Variants in OSBP observed in about 807,000 individuals in gnomAD.
The protein encoded by OSBP is oxysterol binding protein.
A neutral mutation model predicts 96.6 loss-of-function variants in OSBP; 32 were observed. The observed-to-expected ratio is 0.33, with a 90% CI of 0.25 to 0.45. The LOEUF is 0.45. OSBP is among the 20% of genes least tolerant of loss of function. OSBP has a pLI of 1.00. For synonymous variants in OSBP, 369 were observed against 389.6 expected, an observed-to-expected ratio of 0.95 and a Z score of 0.62; for missense variants, 653 against 1,029.7, an observed-to-expected ratio of 0.63 and a Z score of 5.01.
At chr11:59,587,586 T>G (rs1860516374) in intron 9 of OSBP, among the ~76,000 whole-genome samples, 1 of 151,804 alleles carries the variant, frequency 6.6e-6, no homozygotes, top group African/African-American at 2.4e-5. Context: ...CATAAAAAAG[T>G]GCTCAACAAC....
Position 59,581,431 on chromosome 11 carries a change from C to T in OSBP, c.1782+20G>A. On this transcript the variant is annotated intron_variant, in intron 10 of 13. Transcript: ENST00000263847. ...AGTATTCTTTTAAACTTCACACACACTTTGGGTACCTTTCCTCACCTGATC... is the reference window on the plus strand; with the variant it reads ...AGTATTCTTTTAAACTTCACACACATTTTGGGTACCTTTCCTCACCTGATC... 7.1e-7 allele frequency: 1 copy of T among 1,411,112 alleles called. No individual in the cohort carries two copies. Among genetic ancestry groups the T allele is most frequent in the Non-Finnish European group, 1.0e-6 (1 of 999,168 alleles). The allele number at this position is 1,411,112 out of a possible 1,614,324, so 87.4% of individuals were successfully genotyped here. A position where few individuals can be genotyped will look rare whatever the true frequency, so the allele number is the denominator to read the frequency against.
intron 7 of OSBP, among the ~76,000 whole-genome samples, chr11:59,596,233 T>C (rs752865716): frequency 7.2e-5 from 11 of 152,100 alleles, no homozygotes; most frequent in Non-Finnish European, 1.5e-4. Flanking sequence ...TAATCCTCGA[T>C]TCTTTTTAAA....
intron 1 of OSBP, among the ~76,000 whole-genome samples, chr11:59,614,532 T>C (rs182761118): frequency 5.3e-5 from 8 of 152,280 alleles, no homozygotes; most frequent in Admixed American, 3.9e-4. Context: ...AAAATAAACC[T>C]TGTTGAACAG....
intron 7 of OSBP, among the ~76,000 whole-genome samples, chr11:59,599,331 C>T (rs1860692293): frequency 6.6e-6 from 1 of 152,158 alleles, no homozygotes; most frequent in South Asian, 2.1e-4. Flanking sequence ...ACATCACAAA[C>T]TATTATGCTT....
At chr11:59,588,174 TA>T (rs1216347389) in intron 9 of OSBP, among the ~76,000 whole-genome samples, 2 of 152,132 alleles carry the variant, frequency 1.3e-5, no homozygotes, top group African/African-American at 4.8e-5. Context: ...AGGAGATAAT[TA>T]AAGTAGTTAA....
intron 3 of OSBP, among the ~76,000 whole-genome samples, chr11:59,607,766 G>A (rs1056369336): frequency 6.6e-6 from 1 of 152,068 alleles, no homozygotes; most frequent in Admixed American, 6.5e-5. Flanking sequence ...TGGGTGCTCT[G>A]TTTACTCAGA....
At chr11:59,598,638 GGAGTA>G (rs1335365050) in intron 7 of OSBP, among the ~76,000 whole-genome samples, 2 of 152,158 alleles carry the variant, frequency 1.3e-5, no homozygotes, top group East Asian at 3.8e-4. Flanking sequence ...CACCCAGGCT[GGAGTA>G]TAGTGGTGCG....
At position 59,581,574 on chromosome 11, in the gene OSBP, T is replaced by G. The variant is rs1470001192; in HGVS notation, c.1679-20A>C. 1 of 1,487,984 alleles carries G rather than the reference T, an allele frequency of 6.7e-7. No individual in the cohort carries two copies. The highest frequency in any genetic ancestry group is 9.4e-7 in the Non-Finnish European group (1 of 1,065,844). 92.2% of individuals were successfully genotyped at this position (1,487,984 alleles called of 1,614,324 possible). A position where few individuals can be genotyped will look rare whatever the true frequency, so the allele number is the denominator to read the frequency against. On this transcript the variant is annotated intron_variant, in intron 9 of 13. Coordinates refer to ENST00000263847, the MANE Select transcript of OSBP (RefSeq NM_002556.3). ...TGGTACCTGGAAGCAGAAAGAGGTA[T>G]CCAAATTAAGCCAAATGTCAGAAAA...
At chr11:59,583,643 T>TGTTTTTG (rs1216173055) in intron 9 of OSBP, among the ~76,000 whole-genome samples, 1 of 135,176 alleles carries the variant, frequency 7.4e-6, no homozygotes, top group Non-Finnish European at 1.6e-5. Context: ...TGTTTTTTTT[T>TGTTTTTG]TTTTTTTTTT....
chr11:59,606,538 G>A (rs576312896), intron 3 of OSBP, among the ~76,000 whole-genome samples: 3 of 152,236 alleles, frequency 2.0e-5, no homozygotes, highest in South Asian at 4.2e-4. Flanking sequence ...CCAAAAGTGG[G>A]GAGGAAGAGA....
chr11:59,601,883 T>C (rs758491989), intron 3 of OSBP, 45 bp from the exon 4 acceptor site: 1 of 1,573,378 alleles, frequency 6.4e-7, no homozygotes, highest in Admixed American at 1.7e-5. Context: ...CTAGTCAGAG[T>C]TTCCCCTCAG....
At chr11:59,583,970 G>A (rs1860460846) in intron 9 of OSBP, among the ~76,000 whole-genome samples, 1 of 132,014 alleles carries the variant, frequency 7.6e-6, no homozygotes, top group South Asian at 2.3e-4. Context: ...TTTTGAGACA[G>A]GATCTCACTT....
intron 9 of OSBP, among the ~76,000 whole-genome samples, chr11:59,583,821 G>A (rs1259562959): frequency 1.3e-5 from 2 of 150,606 alleles, no homozygotes; most frequent in Non-Finnish European, 3.0e-5. Flanking sequence ...TGTATTTTTA[G>A]TAGAGACAGG....
At chr11:59,596,722 T>C (rs778485896) in intron 7 of OSBP, among the ~76,000 whole-genome samples, 9 of 151,852 alleles carry the variant, frequency 5.9e-5, no homozygotes, top group Non-Finnish European at 1.3e-4. Flanking sequence ...CAGGAGAATG[T>C]AAAACATCAA....
chr11:59,584,185 G>T (rs1284297326), intron 9 of OSBP, among the ~76,000 whole-genome samples: 1 of 151,762 alleles, frequency 6.6e-6, no homozygotes, highest in African/African-American at 2.4e-5. Context: ...GGGCTCAGGC[G>T]ATCCTCCCAC....
rs1458042407 is a variant in OSBP at position 59,601,277 on chromosome 11, A to G, written c.1124+6T>C. The G allele has an allele frequency of 2.0e-6, 3 of 1,523,372 alleles. No homozygotes were observed. Among genetic ancestry groups the G allele is most frequent in the Non-Finnish European group, 1.8e-6 (2 of 1,097,662 alleles). 94.4% of individuals were successfully genotyped at this position (1,523,372 alleles called of 1,614,324 possible). On this transcript the variant is annotated splice_donor_region_variant and intron_variant, in intron 5 of 13. Coordinates refer to ENST00000263847, the MANE Select transcript of OSBP (RefSeq NM_002556.3). ...TTATTTGCTTCAACAATCAAGGATA[A>G]CTCACTTGTGGCCCAAATTTTCAGG...
intron 9 of OSBP, among the ~76,000 whole-genome samples, chr11:59,588,597 A>C (rs1590670232): frequency 6.6e-6 from 1 of 151,880 alleles, no homozygotes; most frequent in Non-Finnish European, 1.5e-5. Context: ...CAAGATCAAG[A>C]GTTTTGGAGA....
chr11:59,581,300 T>C (rs1229052477), intron 10 of OSBP, 151 bp downstream of exon 10: 2 of 432,858 alleles, frequency 4.6e-6, no homozygotes, highest in East Asian at 6.7e-5. Context: ...GAGTTAGAGG[T>C]AGGGCTACTG....
intron 7 of OSBP, among the ~76,000 whole-genome samples, chr11:59,595,769 A>G (rs1860642103): frequency 6.7e-6 from 1 of 150,246 alleles, no homozygotes; most frequent in Admixed American, 6.6e-5. Flanking sequence ...GCAAAACACC[A>G]TCTCTATAAA....
Sources: allele counts gnomAD v4.1 joint callset (sites outside exome capture counted in the v4.1 genomes callset), GRCh38; gene constraint gnomAD v4.1.1; transcripts MANE v1.5; gene names NCBI Gene and HGNC (gene_info 2026-07-23, HGNC 2026-07-21).